IQGAP1: variants seen among roughly 807,000 people sequenced by gnomAD.
The protein encoded by IQGAP1 is IQ motif containing GTPase activating protein 1.
Under a neutral mutation model 215.6 loss-of-function variants are expected in IQGAP1, and 66 were observed. That is an observed-to-expected ratio of 0.31 (90% CI 0.25 to 0.38). The LOEUF (loss-of-function observed/expected upper bound fraction) is 0.38, where lower values mean the gene tolerates loss of function less well. Ranked by LOEUF, IQGAP1 falls within the 10% of genes least tolerant of loss-of-function variation. IQGAP1 has a pLI of 1.00. For missense variants in IQGAP1, 1,712 were observed against 1,997.1 expected, an observed-to-expected ratio of 0.86 and a Z score of 2.72; for synonymous variants, 772 against 728.7, an observed-to-expected ratio of 1.06 and a Z score of -0.96.
rs1433059168 is a variant in IQGAP1 at position 90,449,596 on chromosome 15, A to G, written c.1115A>G (p.Gln372Arg). The G allele has an allele frequency of 6.2e-7, 1 of 1,613,268 alleles. No homozygotes were observed. Among genetic ancestry groups the G allele is most frequent in the Admixed American group, 1.7e-5 (1 of 59,910 alleles). Residue 372 changes from glutamine (Q) to arginine (R), a missense_variant, in exon 11 of 38, where the codon CAG becomes CGG. Coordinates refer to ENST00000268182, the MANE Select transcript of IQGAP1 (RefSeq NM_003870.4). ...QTDPLQKEEL[Q>R]SGVDAANSAA... ...GACCCCCTGCAGAAGGAGGAGCTGCAGTCTGGAGTGGATGCTGCAAACAGT... is the reference window on the plus strand; with the variant it reads ...GACCCCCTGCAGAAGGAGGAGCTGCGGTCTGGAGTGGATGCTGCAAACAGT...
At chr15:90,474,201 C>CA in intron 22 of IQGAP1, 68 bp downstream of exon 22, 1 of 1,357,904 alleles carries the variant, frequency 7.4e-7, no homozygotes, top group Non-Finnish European at 1.0e-6. Context: ...GGGTATTCTC[C>CA]ACAGACCTCT....
At chr15:90,445,762 A>G (rs992908757) in intron 9 of IQGAP1, among the ~76,000 whole-genome samples, 3 of 152,152 alleles carry the variant, frequency 2.0e-5, no homozygotes, top group African/African-American at 7.2e-5. Flanking sequence ...TTGAACTAAT[A>G]CTAATAACTA....
intron 5 of IQGAP1, among the ~76,000 whole-genome samples, chr15:90,435,759 A>C (rs1345849506): frequency 6.6e-6 from 1 of 152,196 alleles, no homozygotes; most frequent in Non-Finnish European, 1.5e-5. Flanking sequence ...AATGAGAAAG[A>C]GAGGAAGTCT....
chr15:90,418,492 G>T lies in IQGAP1; in HGVS notation c.156-7618G>T, dbSNP rs981607946. Among the ~76,000 whole-genome samples the T allele has an allele frequency of 7.9e-5, 12 of 152,062 alleles. 1 individual carries two copies. In the South Asian group the frequency reaches 2.5e-3, roughly 32 times the overall value. Reference sequence around the variant, plus strand: ...GGTCCCAGCTACTCAGGAGGCTGAGGTGGGAGCATCACTGATCCCAGGAGG... The same window carrying T: ...GGTCCCAGCTACTCAGGAGGCTGAGTTGGGAGCATCACTGATCCCAGGAGG... On this transcript the variant is annotated intron_variant, in intron 2 of 37. Coordinates refer to ENST00000268182, the MANE Select transcript of IQGAP1 (RefSeq NM_003870.4).
intron 5 of IQGAP1, among the ~76,000 whole-genome samples, chr15:90,437,244 C>G (rs1354698599): frequency 6.6e-6 from 1 of 152,200 alleles, no homozygotes; most frequent in Non-Finnish European, 1.5e-5. Flanking sequence ...GAGAACAGCA[C>G]CAAGGGGGAA....
intron 2 of IQGAP1, among the ~76,000 whole-genome samples, chr15:90,406,133 A>G (rs1964874393): frequency 6.6e-6 from 1 of 152,222 alleles, no homozygotes; most frequent in South Asian, 2.1e-4. Context: ...CTGGTCTAGT[A>G]AACTAGTTTC....
chr15:90,477,272 T>G (rs1476106584), intron 25 of IQGAP1, 42 bp downstream of exon 25: 3 of 1,509,518 alleles, frequency 2.0e-6, no homozygotes, highest in Non-Finnish European at 2.7e-6. Flanking sequence ...CTTCCCACTA[T>G]CAGAGGGGCT....
chr15:90,410,668 A>G (rs1240198749), intron 2 of IQGAP1, among the ~76,000 whole-genome samples: 2 of 146,410 alleles, frequency 1.4e-5, no homozygotes, highest in East Asian at 4.3e-4. Flanking sequence ...GGGGAACATC[A>G]CACACTGGGG....
intron 5 of IQGAP1, 55 bp downstream of exon 5, chr15:90,433,850 T>C (rs1166657694): frequency 9.5e-7 from 1 of 1,049,422 alleles, no homozygotes; most frequent in African/African-American, 1.6e-5. Flanking sequence ...CTGAATTGAG[T>C]GTGTAGTTTT....
intron 1 of IQGAP1, among the ~76,000 whole-genome samples, chr15:90,390,114 A>G (rs1032835466): frequency 2.0e-5 from 3 of 152,186 alleles, no homozygotes; most frequent in Non-Finnish European, 4.4e-5. Flanking sequence ...AGAGTTTCCA[A>G]AAATAGTTGG....
At chr15:90,474,001 G>A (rs759405992) in intron 21 of IQGAP1, 34 bp downstream of exon 21, 3 of 1,609,398 alleles carry the variant, frequency 1.9e-6, no homozygotes, top group African/African-American at 1.3e-5. Flanking sequence ...GCCATTAGGG[G>A]CAATTTTGCC....
At chr15:90,434,308 G>T (rs1337227869) in intron 5 of IQGAP1, among the ~76,000 whole-genome samples, 1 of 151,786 alleles carries the variant, frequency 6.6e-6, no homozygotes, top group Non-Finnish European at 1.5e-5. Flanking sequence ...CATGGTGGCG[G>T]GTGCCTGTAA....
In IQGAP1 at chr15:90,473,797, A is replaced by G. The variant is rs755816222; in HGVS notation, c.2432A>G (p.Lys811Arg). The G allele has an allele frequency of 1.2e-6, 2 of 1,612,634 alleles. No individual in the cohort carries two copies. The highest frequency in any genetic ancestry group is 8.5e-7 in the Non-Finnish European group (1 of 1,179,410). The change falls in exon 20 of 38, where the codon AAG becomes AGG. Residue 811 changes from lysine (K) to arginine (R), a missense_variant and splice_region_variant. By Grantham distance (26) the Lys-to-Arg change is conservative. This residue lies in a region of IQGAP1 where 1,021 missense variants were observed against 1,074.2 expected (regional missense o/e 0.95). Coordinates refer to ENST00000268182, the MANE Select transcript of IQGAP1 (RefSeq NM_003870.4). ...YLRSHKDEVV[K>R]IQSLARMHQA... ...CGCTCCCACAAAGATGAAGTTGTAA[A>G]GGTATGGTAGCCTGAACAGGGTTTC...
At chr15:90,409,381 G>A (rs927911038) in intron 2 of IQGAP1, among the ~76,000 whole-genome samples, 9 of 151,352 alleles carry the variant, frequency 5.9e-5, no homozygotes, top group Admixed American at 5.9e-4. Context: ...GAGATTATGG[G>A]TGCCCGCCAC....
At position 90,441,619 on chromosome 15, in the gene IQGAP1, G is replaced by A; in HGVS notation, c.763G>A (p.Ala255Thr). Residue 255 changes from alanine (A) to threonine (T), a missense_variant, in exon 8 of 38, where the codon GCA becomes ACA. By Grantham distance (58) the Ala-to-Thr change is moderately conservative. Coordinates refer to ENST00000268182, the MANE Select transcript of IQGAP1 (RefSeq NM_003870.4). ...AMLVNLEEPL[A>T]STYQDILYQA... is the part of the protein sequence containing the mutation. The stretch of plus-strand genomic sequence containing the variant: ...GCTTGTAAATCTTGAAGAGCCCTTG[G>A]CATCCACTTACCAGGATATACTTTA... 6.2e-7 allele frequency: 1 copy of A among 1,613,758 alleles called. No individual in the cohort carries two copies. The highest frequency in any genetic ancestry group is 8.5e-7 in the Non-Finnish European group (1 of 1,179,864).
chr15:90,429,402 C>T lies in IQGAP1; in HGVS notation c.313-187C>T, dbSNP rs73476894. Among the ~76,000 whole-genome samples, 731 of 152,262 alleles carry T rather than the reference C, an allele frequency of 4.8e-3. 9 individuals carry two copies. The highest frequency in any genetic ancestry group is 0.017 in the African/African-American group (716 of 41,540). ...GCACACTATACACAAGAAGGCTCTC[C>T]AGGTAGTTGCTAAGTGAGAGGAGCT... On this transcript the variant is annotated intron_variant, in intron 3 of 37. Transcript: ENST00000268182.
At chr15:90,479,794 TG>T (rs773623338) in intron 26 of IQGAP1, among the ~76,000 whole-genome samples, 3 of 152,070 alleles carry the variant, frequency 2.0e-5, no homozygotes, top group Non-Finnish European at 2.9e-5. Flanking sequence ...CTCAGTACCA[TG>T]TAGGTCTGTT....
At chr15:90,477,322 C>G in intron 25 of IQGAP1, 92 bp downstream of exon 25, 1 of 1,061,152 alleles carries the variant, frequency 9.4e-7, no homozygotes, top group Non-Finnish European at 1.4e-6. Flanking sequence ...TTTTCTTGAT[C>G]TCAATTAATT....
In IQGAP1 at chr15:90,484,223, G is replaced by T. The variant is rs149769027; in HGVS notation, c.3792G>T (p.Arg1264=). Reference sequence around the variant, plus strand: ...CTGCCTCCTGTGCTTATTTCAGACGGTTTTTCCAAACTGCTTGTGATGTCC... The same window carrying T: ...CTGCCTCCTGTGCTTATTTCAGACGTTTTTTCCAAACTGCTTGTGATGTCC... ...YLSQSYQKFR[R]FFQTACDVPE... The change falls in exon 30 of 38, where the codon CGG becomes CGT. Residue 1264 remains arginine (R), a synonymous_variant. Coordinates refer to ENST00000268182, the MANE Select transcript of IQGAP1 (RefSeq NM_003870.4). 12 of 1,613,122 alleles carry T rather than the reference G, an allele frequency of 7.4e-6. No homozygotes were observed. The highest frequency in any genetic ancestry group is 9.3e-6 in the Non-Finnish European group (11 of 1,179,734).
Sources: gnomAD v4.1 joint callset for allele counts (sites outside exome capture counted in the v4.1 genomes callset) on GRCh38, gnomAD v4.1.1 for gene constraint, gnomAD v4.1.1 regional missense constraint, MANE v1.5 for transcripts, NCBI Gene and HGNC (gene_info 2026-07-23, HGNC 2026-07-21) for gene names.